CNTN4: variants seen among roughly 807,000 people sequenced by gnomAD.
CNTN4 encodes the protein contactin-4.
A neutral mutation model predicts 122.5 loss-of-function variants in CNTN4; 77 were observed. The observed-to-expected ratio is 0.63, with a 90% CI of 0.52 to 0.76. The LOEUF (loss-of-function observed/expected upper bound fraction) is 0.76, where lower values mean the gene tolerates loss of function less well. Ranked by LOEUF, CNTN4 falls within the 30% of genes least tolerant of loss-of-function variation. The pLI is 0.00. For missense variants in CNTN4, 1,256 were observed against 1,259.1 expected, an observed-to-expected ratio of 1.00 and a Z score of 0.04; for synonymous variants, 512 against 447.0, an observed-to-expected ratio of 1.15 and a Z score of -1.83.
chr3:2,413,699 A>C (rs1446732984), intron 3 of CNTN4, among the ~76,000 whole-genome samples: 3 of 151,900 alleles, frequency 2.0e-5, no homozygotes, highest in Non-Finnish European at 4.4e-5. Context: ...ACACACCACA[A>C]CACACAGCTA....
At chr3:2,876,426 C>A (rs1180479017) in intron 8 of CNTN4, among the ~76,000 whole-genome samples, 1 of 139,428 alleles carries the variant, frequency 7.2e-6, no homozygotes, top group Non-Finnish European at 1.5e-5. Flanking sequence ...ACTTGTTTCT[C>A]AAGAAAGTCA....
intron 2 of CNTN4, among the ~76,000 whole-genome samples, chr3:2,234,358 AC>A (rs2039601233): frequency 8.4e-6 from 1 of 119,718 alleles, no homozygotes; most frequent in Non-Finnish European, 1.7e-5. Flanking sequence ...AGCCGGGGCA[AC>A]AAGTCCATCT....
intron 14 of CNTN4, among the ~76,000 whole-genome samples, chr3:2,998,753 G>T (rs112764913): frequency 5.3e-5 from 8 of 152,036 alleles, no homozygotes; most frequent in Non-Finnish European, 8.8e-5. Flanking sequence ...AAAAGTGAGG[G>T]GAACACACCC....
chr3:2,389,277 T>C (rs1426228881), intron 3 of CNTN4, among the ~76,000 whole-genome samples: 1 of 109,236 alleles, frequency 9.2e-6, no homozygotes, highest in African/African-American at 3.0e-5. Context: ...TGCAGCCTTC[T>C]CATTATGTTG....
intron 2 of CNTN4, among the ~76,000 whole-genome samples, chr3:2,270,049 A>C (rs377078370): frequency 0.037 from 3,564 of 95,288 alleles, 939 homozygotes; most frequent in Middle Eastern, 0.07. Context: ...TCCCGGGTTC[A>C]CGCCATTCTC....
At chr3:2,319,095 T>C (rs2043200731) in intron 2 of CNTN4, among the ~76,000 whole-genome samples, 1 of 152,146 alleles carries the variant, frequency 6.6e-6, no homozygotes, top group African/African-American at 2.4e-5. Context: ...GCAATTTTAT[T>C]ATACCTAGTC....
intron 4 of CNTN4, among the ~76,000 whole-genome samples, chr3:2,731,585 C>G (rs73807911): frequency 0.017 from 2,617 of 152,286 alleles, 75 homozygotes; most frequent in African/African-American, 0.059. Flanking sequence ...TTCCTCATTC[C>G]TCCTCTTAAC....
Position 2,400,430 on chromosome 3 carries a change from T to TATATATATATATAC in CNTN4, c.-89+61210_-89+61211insCATATATATATATA, listed in dbSNP as rs1553640935. Among the ~76,000 whole-genome samples the TATATATATATATAC allele has an allele frequency of 4.2e-3, 286 of 68,534 alleles. 1 individual carries two copies. The highest frequency in any genetic ancestry group is 0.015 in the African/African-American group (269 of 18,056). The allele number at this position is 68,534 out of a possible 152,430, so 45.0% of individuals were successfully genotyped here. A position where few individuals can be genotyped will look rare whatever the true frequency, so the allele number is the denominator to read the frequency against. On this transcript the variant is annotated intron_variant, in intron 3 of 24. Coordinates refer to ENST00000418658, the MANE Select transcript of CNTN4 (RefSeq NM_175607.3). ...ATATATATATATATATATATATACA[T>TATATATATATATAC]ATATATATATATATATATATCTCTT...
intron 2 of CNTN4, among the ~76,000 whole-genome samples, chr3:2,148,539 A>AAAAAG (rs898726350): frequency 6.6e-6 from 1 of 151,326 alleles, no homozygotes; most frequent in South Asian, 2.1e-4. Context: ...TCTCAAAAAA[A>AAAAAG]AAAAGAAAAG....
intron 2 of CNTN4, among the ~76,000 whole-genome samples, chr3:2,170,104 A>C (rs13098685): frequency 2.0e-5 from 3 of 150,096 alleles, no homozygotes; most frequent in South Asian, 2.1e-4. Flanking sequence ...GGAGGATCAC[A>C]AGGTCAGGAG....
At chr3:2,448,630 G>C (rs2048713492) in intron 3 of CNTN4, among the ~76,000 whole-genome samples, 1 of 152,196 alleles carries the variant, frequency 6.6e-6, no homozygotes, top group Non-Finnish European at 1.5e-5. Flanking sequence ...CATGGAGCCA[G>C]AGGAAGTGAT....
intron 7 of CNTN4, among the ~76,000 whole-genome samples, chr3:2,863,404 A>G (rs1219410914): frequency 7.2e-6 from 1 of 138,344 alleles, no homozygotes; most frequent in Non-Finnish European, 1.5e-5. Context: ...GTTCCTTAGC[A>G]TCTTCTGTTT....
At chr3:2,649,664 CACA>C (rs2083278583) in intron 4 of CNTN4, among the ~76,000 whole-genome samples, 1 of 152,166 alleles carries the variant, frequency 6.6e-6, no homozygotes, top group South Asian at 2.1e-4. Context: ...TTCCAGCTAA[CACA>C]ACATCGAATC....
chr3:2,582,020 G>T (rs2079963451), intron 4 of CNTN4, among the ~76,000 whole-genome samples: 1 of 152,154 alleles, frequency 6.6e-6, no homozygotes, highest in African/African-American at 2.4e-5. Flanking sequence ...GACTGCTGTT[G>T]GATATGTGAT....
intron 3 of CNTN4, among the ~76,000 whole-genome samples, chr3:2,567,253 A>G (rs2079209459): frequency 6.6e-6 from 1 of 151,380 alleles, no homozygotes; most frequent in Non-Finnish European, 1.5e-5. Context: ...CACCCAACTA[A>G]TTTTTTCTAT....
At chr3:2,243,527 A>G (rs968734378) in intron 2 of CNTN4, among the ~76,000 whole-genome samples, 4 of 150,294 alleles carry the variant, frequency 2.7e-5, no homozygotes, top group African/African-American at 5.0e-5. Context: ...ATTTTTTTTT[A>G]GCTCACCAGC....
chr3:2,435,573 C>T (rs1023453842), intron 3 of CNTN4, among the ~76,000 whole-genome samples: 2 of 152,120 alleles, frequency 1.3e-5, no homozygotes, highest in African/African-American at 4.8e-5. Flanking sequence ...CCTGTTTCAG[C>T]AAGGCTTCTC....
At chr3:2,359,513 C>T (rs1157016445) in intron 3 of CNTN4, among the ~76,000 whole-genome samples, 1 of 152,108 alleles carries the variant, frequency 6.6e-6, no homozygotes, top group African/African-American at 2.4e-5. Context: ...CTAGCATGTG[C>T]TTAACTGAAA....
chr3:2,913,619 T>G (rs1195828028), intron 12 of CNTN4, among the ~76,000 whole-genome samples: 1 of 152,188 alleles, frequency 6.6e-6, no homozygotes, highest in Non-Finnish European at 1.5e-5. Flanking sequence ...GATGTAACTG[T>G]TAGAAATCTG....
Sources: gnomAD v4.1 joint callset for allele counts (sites outside exome capture counted in the v4.1 genomes callset) on GRCh38, gnomAD v4.1.1 for gene constraint, MANE v1.5 for transcripts, NCBI Gene and HGNC (gene_info 2026-07-23, HGNC 2026-07-21) for gene names.